PTPRM: variants seen among roughly 807,000 people sequenced by gnomAD.
PTPRM encodes protein tyrosine phosphatase receptor type M.
A neutral mutation model predicts 186.7 loss-of-function variants in PTPRM; 47 were observed. The observed-to-expected ratio is 0.25, with a 90% CI of 0.20 to 0.32. The LOEUF is 0.32. Among genes scored for constraint, PTPRM ranks in the 10% least tolerant of loss-of-function variants. The probability of loss-of-function intolerance (pLI) is 1.00; values close to 1 mark genes in which losing one functional copy is unlikely to be tolerated. For missense variants in PTPRM, 1,494 were observed against 1,865.0 expected, an observed-to-expected ratio of 0.80 and a Z score of 3.66; for synonymous variants, 668 against 674.9, an observed-to-expected ratio of 0.99 and a Z score of 0.16.
At chr18:7,859,577 C>T (rs2047256009) in intron 2 of PTPRM, among the ~76,000 whole-genome samples, 2 of 152,224 alleles carry the variant, frequency 1.3e-5, no homozygotes, top group African/African-American at 4.8e-5. Context: ...CCCAAGTATG[C>T]CCACTGGAGT....
At chr18:8,112,498 C>A (rs377717773) in intron 11 of PTPRM, among the ~76,000 whole-genome samples, 6 of 152,282 alleles carry the variant, frequency 3.9e-5, no homozygotes, top group Admixed American at 2.6e-4. Flanking sequence ...CTTTCTGATA[C>A]TGTAAGAAAA....
chr18:7,949,200 C>A lies in PTPRM; in HGVS notation c.683C>A (p.Ala228Asp). 1 of 1,608,370 alleles carries A rather than the reference C, an allele frequency of 6.2e-7. No individual in the cohort carries two copies. The highest frequency in any genetic ancestry group is 8.5e-7 in the Non-Finnish European group (1 of 1,174,996). Reference sequence around the variant, plus strand: ...ATACAGGGCATTGATGTGCGAGATGCTCCTCTGAAGGAAATCAAGGTGACC... The same window carrying A: ...ATACAGGGCATTGATGTGCGAGATGATCCTCTGAAGGAAATCAAGGTGACC... The part of the protein sequence containing the change: ...LWLQGIDVRD[A>D]PLKEIKVTSS... Residue 228 changes from alanine to aspartate, a missense_variant, in exon 6 of 33, where the codon GCT becomes GAT. Coordinates refer to ENST00000580170, the MANE Select transcript of PTPRM (RefSeq NM_001105244.2).
At chr18:7,688,822 A>G (rs1426752356) in intron 1 of PTPRM, among the ~76,000 whole-genome samples, 2 of 152,152 alleles carry the variant, frequency 1.3e-5, no homozygotes, top group African/African-American at 2.4e-5. Context: ...GGGAAGATTT[A>G]TGAGACAGAG....
intron 2 of PTPRM, among the ~76,000 whole-genome samples, chr18:7,785,349 G>C (rs2043048966): frequency 6.6e-6 from 1 of 152,126 alleles, no homozygotes; most frequent in Non-Finnish European, 1.5e-5. Context: ...GAATATGTTG[G>C]AGAATACCCT....
intron 1 of PTPRM, among the ~76,000 whole-genome samples, chr18:7,643,107 A>C (rs1350938673): frequency 1.3e-5 from 2 of 152,078 alleles, no homozygotes; most frequent in African/African-American, 4.8e-5. Context: ...GAAAAAAGAC[A>C]TAAGATTCTT....
chr18:7,766,968 G>A (rs1436027367), intron 1 of PTPRM, among the ~76,000 whole-genome samples: 2 of 152,194 alleles, frequency 1.3e-5, no homozygotes, highest in Admixed American at 1.3e-4. Flanking sequence ...AATCAGACAT[G>A]TTGAGTGAGA....
chr18:7,850,683 T>C (rs890759078), intron 2 of PTPRM, among the ~76,000 whole-genome samples: 2 of 152,236 alleles, frequency 1.3e-5, no homozygotes, highest in East Asian at 3.8e-4. Context: ...GCCAAGCTTC[T>C]GATCATGCAA....
intron 14 of PTPRM, among the ~76,000 whole-genome samples, chr18:8,196,955 A>T (rs1251967746): frequency 6.6e-6 from 1 of 152,248 alleles, no homozygotes; most frequent in Non-Finnish European, 1.5e-5. Flanking sequence ...AGAACCATGA[A>T]GGATGCTAAG....
At chr18:7,591,994 A>G (rs1435372800) in intron 1 of PTPRM, among the ~76,000 whole-genome samples, 1 of 147,886 alleles carries the variant, frequency 6.8e-6, no homozygotes, top group Non-Finnish European at 1.5e-5. Context: ...CTGTTCCCAG[A>G]AAACTTTGAA....
chr18:8,392,478 T>A (rs1191226962), intron 31 of PTPRM, among the ~76,000 whole-genome samples: 2 of 151,860 alleles, frequency 1.3e-5, no homozygotes, highest in African/African-American at 4.8e-5. Flanking sequence ...TACAAAAAAA[T>A]TAGCCGGGCA....
intron 1 of PTPRM, among the ~76,000 whole-genome samples, chr18:7,726,655 G>GAC (rs2040555375): frequency 6.6e-6 from 1 of 152,168 alleles, no homozygotes; most frequent in Admixed American, 6.5e-5. Context: ...TCTCTCAAGA[G>GAC]TGAGAATGAC....
chr18:7,758,324 T>G (rs2041607058), intron 1 of PTPRM, among the ~76,000 whole-genome samples: 1 of 152,172 alleles, frequency 6.6e-6, no homozygotes, highest in Non-Finnish European at 1.5e-5. Flanking sequence ...TAATCCAGAA[T>G]GAGAATAGCA....
At chr18:7,949,486 T>C (rs2052789632) in intron 6 of PTPRM, 131 bp downstream of exon 6, 1 of 736,714 alleles carries the variant, frequency 1.4e-6, no homozygotes, top group Non-Finnish European at 2.1e-6. Context: ...ACAGGCTATT[T>C]TGATGGATTG....
At chr18:8,230,218 CTG>C (rs1433330034) in intron 14 of PTPRM, among the ~76,000 whole-genome samples, 1 of 152,152 alleles carries the variant, frequency 6.6e-6, no homozygotes, top group Non-Finnish European at 1.5e-5. Context: ...TTAAAAAAAA[CTG>C]TTTTTTTGTG....
intron 7 of PTPRM, chr18:8,049,305 C>T (rs1205954132): frequency 6.6e-6 from 1 of 152,138 alleles, no homozygotes; most frequent in African/African-American, 2.4e-5. Flanking sequence ...AAGCAAAAAC[C>T]GAACAGTTCC....
chr18:8,088,534 A>G (rs1026942506), intron 10 of PTPRM, among the ~76,000 whole-genome samples: 10 of 152,164 alleles, frequency 6.6e-5, no homozygotes, highest in Non-Finnish European at 1.5e-4. Context: ...CCCAACTTCA[A>G]CTCAAGATCA....
intron 2 of PTPRM, among the ~76,000 whole-genome samples, chr18:7,880,471 C>A (rs1402423504): frequency 6.6e-6 from 1 of 152,080 alleles, no homozygotes; most frequent in African/African-American, 2.4e-5. Context: ...ATGTCTTATT[C>A]CCTAGTGGCT....
At position 7,825,540 on chromosome 18, in the gene PTPRM, G is replaced by A. The variant is rs550904289; in HGVS notation, c.196+51269G>A. On this transcript the variant is annotated intron_variant, in intron 2 of 32. Coordinates refer to ENST00000580170, the MANE Select transcript of PTPRM (RefSeq NM_001105244.2). ...GGATAGGTATATAAAAGGATGTGAGGGAGGAGAAGACACAGGTTTGGAAGG... is the reference window on the plus strand; with the variant it reads ...GGATAGGTATATAAAAGGATGTGAGAGAGGAGAAGACACAGGTTTGGAAGG... Among the ~76,000 whole-genome samples, 234 of 152,156 alleles carry A rather than the reference G, an allele frequency of 1.5e-3. 1 individual carries two copies. The highest frequency in any genetic ancestry group is 2.3e-3 in the Non-Finnish European group (157 of 68,008).
intron 7 of PTPRM, among the ~76,000 whole-genome samples, chr18:8,042,519 A>G (rs1185284188): frequency 1.3e-5 from 2 of 152,176 alleles, no homozygotes; most frequent in East Asian, 3.9e-4. Flanking sequence ...ATTACAGCAA[A>G]TGCGGTCATT....
Sources: allele counts gnomAD v4.1 joint callset (sites outside exome capture counted in the v4.1 genomes callset), GRCh38; gene constraint gnomAD v4.1.1; transcripts MANE v1.5; gene names NCBI Gene and HGNC (gene_info 2026-07-23, HGNC 2026-07-21).